Variants in STXBP6 observed in about 807,000 individuals in gnomAD.
The protein encoded by STXBP6 is syntaxin binding protein 6.
Under a neutral mutation model 26.9 loss-of-function variants are expected in STXBP6, and 21 were observed. The observed-to-expected ratio is 0.78, with a 90% CI of 0.55 to 1.12. The LOEUF is 1.12. Among genes scored for constraint, STXBP6 ranks in the 50% most tolerant of loss-of-function variants. The probability of loss-of-function intolerance (pLI) is 0.00; values close to 1 mark genes in which losing one functional copy is unlikely to be tolerated. For synonymous variants in STXBP6, 97 were observed against 92.6 expected, an observed-to-expected ratio of 1.05 and a Z score of -0.27; for missense variants, 232 against 257.9, an observed-to-expected ratio of 0.90 and a Z score of 0.69.
At chr14:24,961,558 C>T (rs1281138587) in intron 2 of STXBP6, among the ~76,000 whole-genome samples, 1 of 151,606 alleles carries the variant, frequency 6.6e-6, no homozygotes, top group Non-Finnish European at 1.5e-5. Context: ...ACATCAAATA[C>T]AGAATGTTCT....
intron 2 of STXBP6, among the ~76,000 whole-genome samples, chr14:24,868,430 T>C (rs907172252): frequency 2.0e-5 from 3 of 152,120 alleles, no homozygotes; most frequent in Non-Finnish European, 2.9e-5. Flanking sequence ...AAATTAAAAA[T>C]ACTAAGGATA....
chr14:24,984,070 A>G lies in STXBP6; in HGVS notation c.-32-9220T>C, dbSNP rs554768186. Among the ~76,000 whole-genome samples, 378 of 152,278 alleles carry G rather than the reference A, an allele frequency of 2.5e-3. 8 individuals are homozygous for G. Among genetic ancestry groups the G allele is most frequent in the East Asian group, 1.2e-3 (6 of 5,178 alleles). ...AACATGATGAAACCCTGTCTCTAGT[A>G]AAAATACAAAAATTAGCCGGGCGTG... On this transcript the variant is annotated intron_variant, in intron 1 of 5. Coordinates refer to ENST00000323944, the MANE Select transcript of STXBP6 (RefSeq NM_001394410.1).
intron 1 of STXBP6, among the ~76,000 whole-genome samples, chr14:25,043,109 G>A (rs1408368116): frequency 6.6e-6 from 1 of 152,228 alleles, no homozygotes; most frequent in Non-Finnish European, 1.5e-5. Context: ...AAGGAAGCCT[G>A]AATAGGGAAT....
intron 4 of STXBP6, among the ~76,000 whole-genome samples, chr14:24,840,682 A>G (rs1322155477): frequency 1.3e-5 from 2 of 152,188 alleles, no homozygotes; most frequent in Non-Finnish European, 1.5e-5. Context: ...TCTTCCCCAC[A>G]TACAGGAGTT....
chr14:24,831,025 G>A (rs1307737283), intron 4 of STXBP6, among the ~76,000 whole-genome samples: 1 of 152,146 alleles, frequency 6.6e-6, no homozygotes, highest in Non-Finnish European at 1.5e-5. Context: ...AAAGAGTGAA[G>A]TTGGACCCCT....
chr14:24,930,112 C>T (rs547973689), intron 2 of STXBP6, among the ~76,000 whole-genome samples: 5 of 152,312 alleles, frequency 3.3e-5, no homozygotes, highest in African/African-American at 7.2e-5. Flanking sequence ...TAGCTTGCAA[C>T]GAATCCACTT....
chr14:25,045,388 C>A (rs1268614005), intron 1 of STXBP6, among the ~76,000 whole-genome samples: 1 of 152,076 alleles, frequency 6.6e-6, no homozygotes. Flanking sequence ...ACCCCAACAG[C>A]ACTTTACCCA....
intron 1 of STXBP6, among the ~76,000 whole-genome samples, chr14:25,047,376 A>T (rs2075743266): frequency 6.6e-6 from 1 of 152,212 alleles, no homozygotes; most frequent in Non-Finnish European, 1.5e-5. Flanking sequence ...CAGGCATTGG[A>T]ACATAAAATG....
intron 2 of STXBP6, among the ~76,000 whole-genome samples, chr14:24,910,725 A>G (rs2071541598): frequency 1.3e-5 from 2 of 152,202 alleles, no homozygotes; most frequent in African/African-American, 4.8e-5. Context: ...AAGCCCTCAA[A>G]TCTTCTACTT....
chr14:24,975,118 G>A (rs17109389), intron 1 of STXBP6, among the ~76,000 whole-genome samples: 2,937 of 152,214 alleles, frequency 0.019, 94 homozygotes, highest in African/African-American at 0.064. Flanking sequence ...CTGGGATCTG[G>A]AAAGTTTGTT....
intron 4 of STXBP6, among the ~76,000 whole-genome samples, chr14:24,846,354 G>C (rs1272187818): frequency 6.6e-6 from 1 of 152,030 alleles, no homozygotes; most frequent in Non-Finnish European, 1.5e-5. Context: ...CCCTTTAGCA[G>C]CCTGTCTCAT....
chr14:24,941,192 C>T (rs982678768), intron 2 of STXBP6, among the ~76,000 whole-genome samples: 5 of 152,208 alleles, frequency 3.3e-5, no homozygotes, highest in African/African-American at 1.2e-4. Flanking sequence ...ATATGCCACA[C>T]ACCATGCTAG....
rs1239379568 is a variant in STXBP6, at chr14:24,857,277, G to A, written c.155-120C>T. On this transcript the variant is annotated intron_variant, in intron 2 of 5. Transcript: ENST00000323944. ...TGCACAATAACAGAGAGAAGGCAGAGGGGGAAAGGAGGGAATATGAATAAA... is the reference window on the plus strand; with the variant it reads ...TGCACAATAACAGAGAGAAGGCAGAAGGGGAAAGGAGGGAATATGAATAAA... 1.6e-5 allele frequency: 21 copies of A among 1,323,464 alleles called. No individual in the cohort carries two copies. In the South Asian group the frequency reaches 2.5e-4, roughly 16 times the overall value. 82.0% of individuals were successfully genotyped at this position (1,323,464 alleles called of 1,614,324 possible).
intron 2 of STXBP6, among the ~76,000 whole-genome samples, chr14:24,919,526 C>T (rs528743577): frequency 2.8e-4 from 42 of 149,444 alleles, no homozygotes; most frequent in Non-Finnish European, 5.2e-4. Context: ...ATTCAATACG[C>T]ACTTTTTTTT....
At chr14:24,980,092 T>C (rs936607481) in intron 1 of STXBP6, among the ~76,000 whole-genome samples, 3 of 152,202 alleles carry the variant, frequency 2.0e-5, no homozygotes, top group Non-Finnish European at 4.4e-5. Flanking sequence ...AATATAGACA[T>C]ACTAAATGCT....
chr14:24,869,829 T>G (rs1281104299), intron 2 of STXBP6, among the ~76,000 whole-genome samples: 1 of 152,158 alleles, frequency 6.6e-6, no homozygotes, highest in Non-Finnish European at 1.5e-5. Context: ...TGAGCATTAC[T>G]CTATGACAGA....
chr14:24,869,908 G>A (rs894218525), intron 2 of STXBP6, among the ~76,000 whole-genome samples: 1 of 152,168 alleles, frequency 6.6e-6, no homozygotes, highest in Admixed American at 6.5e-5. Context: ...TTCAGGGATA[G>A]AGCTCAGTGC....
intron 4 of STXBP6, among the ~76,000 whole-genome samples, chr14:24,820,409 TTTAATGG>T (rs1337149582): frequency 3.3e-5 from 5 of 152,190 alleles, no homozygotes; most frequent in Non-Finnish European, 7.4e-5. Context: ...ATTTTTCTTC[TTTAATGG>T]TGGATTTCAA....
intron 2 of STXBP6, among the ~76,000 whole-genome samples, chr14:24,872,756 A>G (rs1361113281): frequency 6.6e-6 from 1 of 152,188 alleles, no homozygotes; most frequent in Non-Finnish European, 1.5e-5. Context: ...AACTCTGTGC[A>G]TGCCTGGGAT....
Sources: gnomAD v4.1 joint callset for allele counts (sites outside exome capture counted in the v4.1 genomes callset) on GRCh38, gnomAD v4.1.1 for gene constraint, MANE v1.5 for transcripts, NCBI Gene and HGNC (gene_info 2026-07-23, HGNC 2026-07-21) for gene names.